The following DDHD2 variants were observed in gnomAD, a reference collection of about 807,000 sequenced individuals.
DDHD2 encodes the protein DDHD domain containing 2.
Under a neutral mutation model 91.2 loss-of-function variants are expected in DDHD2, and 62 were observed. The ratio of observed to expected loss-of-function variants is 0.68; its 90% CI spans 0.55 to 0.84. The LOEUF (loss-of-function observed/expected upper bound fraction) is 0.84. DDHD2 is among the 40% of genes least tolerant of loss of function. DDHD2 has a pLI of 0.00. For synonymous variants in DDHD2, 271 were observed against 293.9 expected (o/e 0.92, Z 0.80); for missense variants, 740 against 846.9 (o/e 0.87, Z 1.57).
chr8:38,257,627 T>A (rs1479396548), intron 16 of DDHD2, among the ~76,000 whole-genome samples: 2 of 151,564 alleles, frequency 1.3e-5, no homozygotes, highest in Non-Finnish European at 2.9e-5. Context: ...CTCAGAAAGA[T>A]CTTCCTTACT....
chr8:38,242,321 A>G lies in DDHD2; in HGVS notation c.784A>G (p.Ile262Val). ...TAAGAAAGCCCAAGAAAATCAGCAG[A>G]TTGGGAGGGTAGAATTTCTTCCAGT... The part of the protein sequence containing the change: ...HFKKAQENQQ[I>V]GRVEFLPVNW... Residue 262 changes from isoleucine (I) to valine (V), a missense_variant, in exon 7 of 18, where the codon ATT becomes GTT. Physicochemically the swap from Ile to Val is conservative, Grantham distance 29. Around this residue, in one of 2 missense-constraint regions of DDHD2, gnomAD observed 693 missense variants for 764.2 expected, o/e 0.91. Transcript: ENST00000397166. 6.2e-7 allele frequency: 1 copy of G among 1,610,154 alleles called. No individual in the cohort carries two copies. The highest frequency in any genetic ancestry group is 8.5e-7 in the Non-Finnish European group (1 of 1,178,766).
intron 3 of DDHD2, among the ~76,000 whole-genome samples, chr8:38,234,790 C>T (rs574936643): frequency 2.0e-4 from 29 of 142,204 alleles, no homozygotes; most frequent in African/African-American, 2.9e-4. Flanking sequence ...TTTTTTGAGA[C>T]GGAGTCTCGC....
At chr8:38,258,594 TCTTA>T (rs1806726249) in intron 16 of DDHD2, among the ~76,000 whole-genome samples, 1 of 152,206 alleles carries the variant, frequency 6.6e-6, no homozygotes, top group South Asian at 2.1e-4. Flanking sequence ...TTTCTCAACT[TCTTA>T]CTTGTTGATT....
At chr8:38,235,392 C>T (rs112503481) in intron 3 of DDHD2, among the ~76,000 whole-genome samples, 12 of 151,532 alleles carry the variant, frequency 7.9e-5, no homozygotes, top group Non-Finnish European at 1.6e-4. Context: ...TTTTAAAATA[C>T]GATGGAAATG....
At chr8:38,253,168 G>A (rs752452057) in intron 15 of DDHD2, 41 bp downstream of exon 15, 26 of 1,547,018 alleles carry the variant, frequency 1.7e-5, no homozygotes, top group African/African-American at 2.8e-5. Flanking sequence ...CCAGATAAGA[G>A]GGATGCCATG....
At position 38,237,542 on chromosome 8, in the gene DDHD2, C is replaced by G; in HGVS notation, c.416C>G (p.Thr139Ser). Residue 139 changes from threonine to serine, a missense_variant, in exon 4 of 18, where the codon ACT (threonine) becomes AGT (serine). By Grantham distance (58) the Thr-to-Ser change is moderately conservative (BLOSUM62 1). Coordinates refer to ENST00000397166, the MANE Select transcript of DDHD2 (RefSeq NM_015214.3). ...SESFSQVLEETYMLAVTLDEW... is the reference protein window; with the variant it reads ...SESFSQVLEESYMLAVTLDEW... Reference sequence around the variant, plus strand: ...TGAAATGTGTTTTCTTTTAAGGAAACTTACATGCTTGCTGTAACTTTGGAT... The same window carrying G: ...TGAAATGTGTTTTCTTTTAAGGAAAGTTACATGCTTGCTGTAACTTTGGAT... 1 of 1,570,278 alleles carries G rather than the reference C, an allele frequency of 6.4e-7. No homozygotes were observed.
At chr8:38,266,402 TTTTA>T (rs1041117169), downstream of DDHD2, 8 of 1,192,328 alleles carry the variant, frequency 6.7e-6, no homozygotes, top group South Asian at 1.5e-5. Context: ...ATGAGTATGT[TTTTA>T]TTTATTTATT....
Position 38,234,679 on chromosome 8 carries a change from G to C in DDHD2, c.411+95G>C, listed in dbSNP as rs1320037557. ...ATTTATTTTGTGAAATTTCCAGAAA[G>C]ACTTTGGTTCTGTCTGCATCACATT... is the stretch of plus-strand genomic sequence containing the variant. On this transcript the variant is annotated intron_variant, in intron 3 of 17. Transcript: ENST00000397166. The C allele has an allele frequency of 6.3e-6, 7 of 1,117,104 alleles. No individual in the cohort carries two copies. The East Asian group carries it at 1.9e-4, about 31-fold the overall frequency. The allele number at this position is 1,117,104 out of a possible 1,614,324, so 69.2% of individuals were successfully genotyped here. A position where few individuals can be genotyped will look rare whatever the true frequency, so the allele number is the denominator to read the frequency against.
chr8:38,252,113 T>C lies in DDHD2; in HGVS notation c.1462-19T>C, dbSNP rs1180356321. Reference sequence around the variant, plus strand: ...ACTTTTGTTATTAATGAGAGATGCTTTTATTTTCCTCCTTTGAGGTGTCTG... The same window carrying C: ...ACTTTTGTTATTAATGAGAGATGCTCTTATTTTCCTCCTTTGAGGTGTCTG... On this transcript the variant is annotated intron_variant, in intron 12 of 17. Coordinates refer to ENST00000397166, the MANE Select transcript of DDHD2 (RefSeq NM_015214.3). 3 of 1,612,720 alleles carry C rather than the reference T, an allele frequency of 1.9e-6. No homozygotes were observed. In the Admixed American group the frequency reaches 5.0e-5, roughly 27 times the overall value.
rs1199460201 is a variant in DDHD2, at chr8:38,234,527, G to C, written c.354G>C (p.Lys118Asn). 6.2e-7 allele frequency: 1 copy of C among 1,612,984 alleles called. No homozygotes were observed. ...TGAGACGATGTACGTGGTTTTACAA[G>C]GGGGACAAAGACAATAAGTATGTTC... is the stretch of plus-strand genomic sequence containing the variant. ...SEVRRCTWFY[K>N]GDKDNKYVPY... The change falls in exon 3 of 18, where the codon AAG (lysine) becomes AAC (asparagine). Residue 118 changes from lysine (K) to asparagine (N), a missense_variant. By Grantham distance (94) the Lys-to-Asn change is moderately conservative (BLOSUM62 0). This residue lies in a region of DDHD2 where 693 missense variants were observed against 764.2 expected (regional missense o/e 0.91). Transcript: ENST00000397166.
At chr8:38,254,895 A>G (rs1265639697) in intron 16 of DDHD2, among the ~76,000 whole-genome samples, 1 of 152,004 alleles carries the variant, frequency 6.6e-6, no homozygotes, top group African/African-American at 2.4e-5. Flanking sequence ...CTGAAAAAAA[A>G]TAGTATAAAA....
intron 6 of DDHD2, among the ~76,000 whole-genome samples, chr8:38,241,086 G>A (rs1229723593): frequency 6.6e-6 from 1 of 150,938 alleles, no homozygotes; most frequent in Admixed American, 6.6e-5. Flanking sequence ...AAAAAAAAAG[G>A]TGTCCTCTAA....
intron 16 of DDHD2, among the ~76,000 whole-genome samples, chr8:38,259,219 CTT>C (rs34652032): frequency 2.8e-5 from 4 of 142,680 alleles, no homozygotes; most frequent in African/African-American, 2.6e-5. Context: ...TTCTTACTGG[CTT>C]TTTTTTTTTT....
At chr8:38,268,841 G>T (rs1149) in intron 1 of DDHD2, 3 of 1,493,194 alleles carry the variant, frequency 2.0e-6, no homozygotes, top group African/African-American at 1.4e-5. Context: ...GCGGGAAGCC[G>T]GGTCATGGGG....
chr8:38,259,821 C>G (rs1806837170), intron 16 of DDHD2, among the ~76,000 whole-genome samples: 1 of 152,200 alleles, frequency 6.6e-6, no homozygotes. Context: ...CACCTGGCCT[C>G]TCTTCCTAGC....
At chr8:38,271,784 A>G, downstream of DDHD2, 1 of 152,232 alleles carries the variant, frequency 6.6e-6, no homozygotes, top group East Asian at 1.9e-4. Flanking sequence ...GAAGTATAGA[A>G]TGTCAGCTTC....
chr8:38,268,770 A>C (rs1317280403), intron 1 of DDHD2: 1 of 1,439,310 alleles, frequency 6.9e-7, no homozygotes, highest in Non-Finnish European at 9.1e-7. Context: ...AGCGCACAGC[A>C]GCGGAGTGGG....
At chr8:38,255,803 G>A (rs1475969085) in intron 16 of DDHD2, among the ~76,000 whole-genome samples, 1 of 151,510 alleles carries the variant, frequency 6.6e-6, no homozygotes, top group African/African-American at 2.4e-5. Flanking sequence ...CACACACCTT[G>A]TTCATGTCAT....
downstream of DDHD2, among the ~76,000 whole-genome samples, chr8:38,265,258 C>A (rs1807412676): frequency 8.3e-6 from 1 of 120,228 alleles, no homozygotes. Context: ...GAGCTAGACT[C>A]TGTCTCAAAA....
Sources: allele counts gnomAD v4.1 joint callset (sites outside exome capture counted in the v4.1 genomes callset), GRCh38; gene constraint gnomAD v4.1.1; regional missense constraint gnomAD v4.1.1; transcripts MANE v1.5; gene names NCBI Gene and HGNC (gene_info 2026-07-23, HGNC 2026-07-21).